GATA4: variants seen among roughly 807,000 people sequenced by gnomAD.
The protein encoded by GATA4 is GATA binding protein 4, also known as transcription factor GATA-4.
GATA4 carries 7 observed loss-of-function variants against 37.9 expected under a neutral mutation model. The observed-to-expected ratio is 0.18, with a 90% CI of 0.11 to 0.35. GATA4 has a LOEUF of 0.35. Ranked by LOEUF, GATA4 falls within the 10% of genes least tolerant of loss-of-function variation. The probability of loss-of-function intolerance (pLI) is 1.00; values close to 1 mark genes in which losing one functional copy is unlikely to be tolerated. For missense variants in GATA4, 647 were observed against 653.0 expected (o/e 0.99, Z 0.10); for synonymous variants, 372 against 292.6 (o/e 1.27, Z -2.77).
At chr8:11,731,292 T>C (rs1420722329) in intron 2 of GATA4, among the ~76,000 whole-genome samples, 2 of 152,200 alleles carry the variant, frequency 1.3e-5, no homozygotes, top group Non-Finnish European at 2.9e-5. Flanking sequence ...GCATTATTGA[T>C]TAAAAGAGAG....
At chr8:11,722,481 T>A (rs1300921622) in intron 2 of GATA4, among the ~76,000 whole-genome samples, 1 of 152,264 alleles carries the variant, frequency 6.6e-6, no homozygotes, top group South Asian at 2.1e-4. Context: ...CTAATTGTCT[T>A]TAATGCCTTG....
intron 2 of GATA4, among the ~76,000 whole-genome samples, chr8:11,719,053 T>TC (rs1417657122): frequency 2.6e-5 from 4 of 152,220 alleles, no homozygotes; most frequent in Admixed American, 2.6e-4. Flanking sequence ...AAAAAAGAGT[T>TC]CATCAATTGA....
chr8:11,743,578 C>T (rs1257104076), intron 2 of GATA4, among the ~76,000 whole-genome samples: 1 of 152,262 alleles, frequency 6.6e-6, no homozygotes, highest in Non-Finnish European at 1.5e-5. Flanking sequence ...AACCGTGACC[C>T]TGGCCTCTGA....
Position 11,747,888 on chromosome 8 carries a change from C to T in GATA4, c.617-1028C>T, listed in dbSNP as rs77769687. Among the ~76,000 whole-genome samples, 828 of 152,244 alleles carry T rather than the reference C, an allele frequency of 5.4e-3. 5 individuals are homozygous for T. Among genetic ancestry groups the T allele is most frequent in the Non-Finnish European group, 8.9e-3 (604 of 68,012 alleles). ...GGAAAATGTTTTGGTATTAAGCAAA[C>T]GACCCACACAGACTCAGAATTATAT... On this transcript the variant is annotated intron_variant, in intron 2 of 6. Coordinates refer to ENST00000532059, the MANE Select transcript of GATA4 (RefSeq NM_001308093.3).
intron 2 of GATA4, among the ~76,000 whole-genome samples, chr8:11,716,029 G>T (rs1800419945): frequency 6.6e-6 from 1 of 152,048 alleles, no homozygotes; most frequent in Non-Finnish European, 1.5e-5. Flanking sequence ...CATCCATGTT[G>T]TAGCATGTGC....
At chr8:11,686,229 T>A (rs1269131708) in intron 1 of GATA4, among the ~76,000 whole-genome samples, 1 of 149,072 alleles carries the variant, frequency 6.7e-6, no homozygotes, top group Non-Finnish European at 1.5e-5. Flanking sequence ...TTTTTTTTTT[T>A]AATCTTAATG....
rs560701838 is a variant in GATA4, at chr8:11,727,000, T to C, written c.616+18072T>C. ...TTCCCTCCAACTCACTTTGTGTAGA[T>C]TCTCCATGATCCTTCCTGGAGAGCC... is the stretch of plus-strand genomic sequence containing the variant. On this transcript the variant is annotated intron_variant, in intron 2 of 6. Coordinates refer to ENST00000532059, the MANE Select transcript of GATA4 (RefSeq NM_001308093.3). 2.0e-5 allele frequency among the ~76,000 whole-genome samples: 3 copies of C among 152,126 alleles called. No homozygotes were observed. The East Asian group carries it at 5.8e-4, about 29-fold the overall frequency.
At chr8:11,702,867 G>A (rs1799731376), upstream of GATA4, among the ~76,000 whole-genome samples, 1 of 152,190 alleles carries the variant, frequency 6.6e-6, no homozygotes, top group Admixed American at 6.5e-5. The surrounding 1 kb of genome is among the most constrained non-coding windows in gnomAD (Gnocchi z 4.4). Flanking sequence ...CTCTCATTCA[G>A]GGAAGAGAAT....
intron 1 of GATA4, among the ~76,000 whole-genome samples, chr8:11,678,875 G>T (rs988931459): frequency 1.7e-4 from 26 of 152,268 alleles, no homozygotes; most frequent in Admixed American, 1.1e-3. Context: ...GTTCGATTAG[G>T]GGGGAGCCTT....
chr8:11,739,753 C>T lies in GATA4; in HGVS notation c.617-9163C>T, dbSNP rs4840580. ...TGCAGAGCTTCTGTCGTGTGCGGAG[C>T]TTCTGTCGTGTGCGGAGGAGTTTCT... On this transcript the variant is annotated intron_variant, in intron 2 of 6. Transcript: ENST00000532059. Among the ~76,000 whole-genome samples the T allele has an allele frequency of 3.2e-4, 25 of 78,208 alleles. 1 individual carries two copies. The South Asian group carries it at 3.5e-3, about 11-fold the overall frequency. The allele number at this position is 78,208 out of a possible 152,430, so 51.3% of individuals were successfully genotyped here.
At chr8:11,699,068 C>G (rs115328817) in intron 1 of GATA4, among the ~76,000 whole-genome samples, 279 of 152,292 alleles carry the variant, frequency 1.8e-3, no homozygotes, top group African/African-American at 6.0e-3. Flanking sequence ...AATCATTCAC[C>G]CAACACTTAT....
At chr8:11,719,280 C>T (rs1800566662) in intron 2 of GATA4, among the ~76,000 whole-genome samples, 1 of 149,762 alleles carries the variant, frequency 6.7e-6, no homozygotes, top group Non-Finnish European at 1.5e-5. Flanking sequence ...CAGGTAAAGA[C>T]AGGCAATAAT....
chr8:11,752,982 A>G lies in GATA4; in HGVS notation c.913-2064A>G, dbSNP rs547615392. On this transcript the variant is annotated intron_variant, in intron 4 of 6. Transcript: ENST00000532059. ...AGAAACTTATTGGGAAATATTATAT[A>G]GGTATTAAAAAGATTATATTCTCAG... is the stretch of plus-strand genomic sequence containing the variant. Among the ~76,000 whole-genome samples, 5 of 152,362 alleles carry G rather than the reference A, an allele frequency of 3.3e-5. No homozygotes were observed. The South Asian group carries it at 8.3e-4, about 25-fold the overall frequency.
intron 2 of GATA4, among the ~76,000 whole-genome samples, chr8:11,718,032 C>G (rs896723956): frequency 2.0e-5 from 3 of 152,210 alleles, no homozygotes; most frequent in Non-Finnish European, 4.4e-5. Flanking sequence ...AACTGACCCT[C>G]TGTGTTCCCT....
chr8:11,736,298 T>C (rs1176952262), intron 2 of GATA4, among the ~76,000 whole-genome samples: 1 of 152,238 alleles, frequency 6.6e-6, no homozygotes, highest in Admixed American at 6.5e-5. Flanking sequence ...TAGAATGCAG[T>C]GCCACGTTGA....
upstream of GATA4, among the ~76,000 whole-genome samples, chr8:11,701,605 G>A (rs1185768382): frequency 6.6e-6 from 1 of 152,214 alleles, no homozygotes; most frequent in Non-Finnish European, 1.5e-5. Flanking sequence ...GGAGAGCGAA[G>A]GAGGAAAGGA....
intron 2 of GATA4, among the ~76,000 whole-genome samples, chr8:11,731,059 G>A (rs2130202034): frequency 6.6e-6 from 1 of 152,324 alleles, no homozygotes; most frequent in African/African-American, 2.4e-5. Context: ...GACTTTTCTG[G>A]TTTTTCATTT....
intron 1 of GATA4, among the ~76,000 whole-genome samples, chr8:11,680,074 T>A (rs1245926522): frequency 6.6e-6 from 1 of 152,198 alleles, no homozygotes; most frequent in Non-Finnish European, 1.5e-5. Flanking sequence ...GCTAAAGGAC[T>A]TCCCGCCGGA....
upstream of GATA4, among the ~76,000 whole-genome samples, chr8:11,687,745 A>C (rs1235091393): frequency 2.0e-5 from 3 of 152,186 alleles, no homozygotes; most frequent in African/African-American, 7.2e-5. Flanking sequence ...AGAATACAGG[A>C]GATTGTCTAC....
Sources: allele counts gnomAD v4.1 joint callset (sites outside exome capture counted in the v4.1 genomes callset), GRCh38; gene constraint gnomAD v4.1.1; non-coding constraint Gnocchi (gnomAD v3.1); transcripts MANE v1.5; gene names NCBI Gene and HGNC (gene_info 2026-07-23, HGNC 2026-07-21).